ACKR3: variants seen among roughly 807,000 people sequenced by gnomAD.
ACKR3 encodes the protein C-X-C chemokine receptor type 7.
Under a neutral mutation model 22.4 loss-of-function variants are expected in ACKR3, and 6 were observed. The observed-to-expected ratio is 0.27, with a 90% CI of 0.15 to 0.53. ACKR3 has a LOEUF of 0.53. ACKR3 is among the 20% of genes least tolerant of loss of function. The pLI is 0.96. For synonymous variants in ACKR3, 209 were observed against 205.2 expected (o/e 1.02, Z -0.16); for missense variants, 396 against 475.2 (o/e 0.83, Z 1.55).
the ACKR3 span, among the ~76,000 whole-genome samples, chr2:236,547,529 T>C: frequency 0.057 from 8,749 of 152,288 alleles, 760 homozygotes; most frequent in African/African-American, 0.19. Context: ...CTGAGACCAT[T>C]TTATTCCTTT....
At chr2:236,575,504 T>C (rs796988578) in intron 1 of ACKR3, among the ~76,000 whole-genome samples, 36 of 138,896 alleles carry the variant, frequency 2.6e-4, no homozygotes, top group Non-Finnish European at 4.1e-4. Flanking sequence ...GCTGTGTGTG[T>C]GTGTGTCTGG....
chr2:236,578,471 G>A (rs535714596), intron 1 of ACKR3, among the ~76,000 whole-genome samples: 84 of 152,350 alleles, frequency 5.5e-4, no homozygotes, highest in African/African-American at 1.9e-3. Flanking sequence ...CAGGACCAGC[G>A]TGGTTCCCTC....
chr2:236,541,746 T>A, the ACKR3 span, among the ~76,000 whole-genome samples: 3 of 152,202 alleles, frequency 2.0e-5, no homozygotes, highest in African/African-American at 7.2e-5. Context: ...CAGGTGGAGA[T>A]AATTGAATTA....
chr2:236,568,984 G>A (rs72988900), upstream of ACKR3, among the ~76,000 whole-genome samples: 1,882 of 152,312 alleles, frequency 0.012, 32 homozygotes, highest in Non-Finnish European at 0.013. Flanking sequence ...TGTAAATGGG[G>A]CATTGGAGAT....
chr2:236,538,875 G>A, the ACKR3 span, among the ~76,000 whole-genome samples: 1 of 152,176 alleles, frequency 6.6e-6, no homozygotes, highest in Non-Finnish European at 1.5e-5. Flanking sequence ...AAACTTAGCT[G>A]AGCATCCTGT....
chr2:236,580,437 T>A lies in ACKR3; in HGVS notation c.-26-3T>A. 1.3e-6 allele frequency: 2 copies of A among 1,588,888 alleles called. No individual in the cohort carries two copies. Among genetic ancestry groups the A allele is most frequent in the Non-Finnish European group, 1.7e-6 (2 of 1,162,606 alleles). On this transcript the variant is annotated splice_polypyrimidine_tract_variant and splice_region_variant and intron_variant, in intron 1 of 1. Coordinates refer to ENST00000272928, the MANE Select transcript of ACKR3 (RefSeq NM_020311.3). The stretch of plus-strand genomic sequence containing the variant: ...CTTTTTTGTTTGCTTGGTTTTCTCA[T>A]AGGTCATTTGATTGCCCGCCTCAGA...
upstream of ACKR3, among the ~76,000 whole-genome samples, chr2:236,569,090 A>C (rs1223677583): frequency 6.6e-6 from 1 of 152,248 alleles, no homozygotes; most frequent in Admixed American, 6.5e-5. Flanking sequence ...CAATAATTGT[A>C]GTAAAGTGTT....
upstream of ACKR3, among the ~76,000 whole-genome samples, chr2:236,565,950 A>G (rs1367233655): frequency 6.6e-6 from 1 of 152,220 alleles, no homozygotes; most frequent in Non-Finnish European, 1.5e-5. Context: ...TCCCAGGGTC[A>G]CAACTCCAAG....
chr2:236,544,349 T>C, the ACKR3 span, among the ~76,000 whole-genome samples: 1 of 152,152 alleles, frequency 6.6e-6, no homozygotes, highest in Non-Finnish European at 1.5e-5. The surrounding 1 kb of genome is among the most constrained non-coding windows in gnomAD (Gnocchi z 5.0). Context: ...TTACAGCTTC[T>C]GTGGATGGGG....
chr2:236,576,923 G>T (rs1319475355), intron 1 of ACKR3, among the ~76,000 whole-genome samples: 3 of 152,232 alleles, frequency 2.0e-5, no homozygotes, highest in Non-Finnish European at 4.4e-5. Flanking sequence ...ATTTGCAGAG[G>T]ACTTGATGAC....
At chr2:236,545,880 C>T in the ACKR3 span, among the ~76,000 whole-genome samples, 1 of 152,162 alleles carries the variant, frequency 6.6e-6, no homozygotes, top group Non-Finnish European at 1.5e-5. The surrounding 1 kb of genome is among the most constrained non-coding windows in gnomAD (Gnocchi z 5.3). Flanking sequence ...ATTTCACACA[C>T]CGAAAACATA....
At chr2:236,566,948 TG>T (rs1163998121), upstream of ACKR3, among the ~76,000 whole-genome samples, 9 of 143,164 alleles carry the variant, frequency 6.3e-5, no homozygotes, top group African/African-American at 2.6e-4. Context: ...CCTGCCTGCC[TG>T]CCTTCCTTCC....
At chr2:236,551,196 C>T in the ACKR3 span, among the ~76,000 whole-genome samples, 1 of 152,336 alleles carries the variant, frequency 6.6e-6, no homozygotes, top group East Asian at 1.9e-4. Context: ...GCCTCTTCTC[C>T]CTCAGCCTCC....
At chr2:236,576,761 G>A (rs1691419677) in intron 1 of ACKR3, among the ~76,000 whole-genome samples, 1 of 152,252 alleles carries the variant, frequency 6.6e-6, no homozygotes, top group South Asian at 2.1e-4. Context: ...TTTTGAATAA[G>A]GGGATTGTCT....
rs1421421978 is a variant in ACKR3, at chr2:236,581,633, C to G, written c.*79C>G. 6.6e-7 allele frequency: 1 copy of G among 1,518,294 alleles called. No homozygotes were observed. The highest frequency in any genetic ancestry group is 2.3e-5 in the East Asian group (1 of 43,946). 94.1% of individuals were successfully genotyped at this position (1,518,294 alleles called of 1,614,324 possible). ...GGCCCTATGGTTTTCTAGAGCAAAG[C>G]AAAGTAGCTTCGGGTCTTGATGCTT... On this transcript the variant is annotated 3_prime_UTR_variant, in exon 2 of 2. Transcript: ENST00000272928. This position sits in a 1 kb window ranked among gnomAD's most constrained non-coding sequence, Gnocchi z 4.4.
At chr2:236,560,314 G>GT in the ACKR3 span, among the ~76,000 whole-genome samples, 9,950 of 126,808 alleles carry the variant, frequency 0.078, 993 homozygotes, top group East Asian at 0.24. Context: ...AGCACTTGTT[G>GT]CCTTTTTTTT....
At chr2:236,576,552 A>T (rs1691414971) in intron 1 of ACKR3, among the ~76,000 whole-genome samples, 1 of 152,202 alleles carries the variant, frequency 6.6e-6, no homozygotes, top group Non-Finnish European at 1.5e-5. Context: ...TGTTCCTATC[A>T]GGGATTCTGA....
the ACKR3 span, among the ~76,000 whole-genome samples, chr2:236,561,494 A>G: frequency 6.6e-6 from 1 of 151,818 alleles, no homozygotes; most frequent in South Asian, 2.1e-4. Context: ...TCAAGGTGAT[A>G]TATACAAACA....
chr2:236,548,812 AT>A, the ACKR3 span, among the ~76,000 whole-genome samples: 5 of 152,172 alleles, frequency 3.3e-5, no homozygotes, highest in Middle Eastern at 3.2e-3. The surrounding 1 kb of genome is among the most constrained non-coding windows in gnomAD (Gnocchi z 4.3). Context: ...TATTTATTTA[AT>A]TGTGATTTAT....
Sources: gnomAD v4.1 joint callset for allele counts (sites outside exome capture counted in the v4.1 genomes callset) on GRCh38, gnomAD v4.1.1 for gene constraint, Gnocchi (gnomAD v3.1) non-coding constraint, MANE v1.5 for transcripts, NCBI Gene and HGNC (gene_info 2026-07-23, HGNC 2026-07-21) for gene names.